CELSR1: variants seen among roughly 807,000 people sequenced by gnomAD.
CELSR1 encodes the protein adhesion G protein-coupled receptor C1.
In CELSR1, 110 loss-of-function variants were observed where a neutral mutation model predicts 249.1. The ratio of observed to expected loss-of-function variants is 0.44; its 90% CI spans 0.38 to 0.52. The LOEUF (loss-of-function observed/expected upper bound fraction) is 0.52, where lower values mean the gene tolerates loss of function less well. Among genes scored for constraint, CELSR1 ranks in the 20% least tolerant of loss-of-function variants. The probability of loss-of-function intolerance (pLI) is 0.00; values close to 1 mark genes in which losing one functional copy is unlikely to be tolerated. For synonymous variants in CELSR1, 2,113 were observed against 1,900.0 expected (o/e 1.11, Z -2.92); for missense variants, 4,109 against 4,296.4 (o/e 0.96, Z 1.22).
intron 1 of CELSR1, among the ~76,000 whole-genome samples, chr22:46,483,640 C>T (rs758063561): frequency 1.3e-5 from 2 of 152,104 alleles, no homozygotes; most frequent in Non-Finnish European, 2.9e-5. Flanking sequence ...AGTCTTTGCT[C>T]CCATTATCTG....
At chr22:46,491,673 C>A (rs904716746) in intron 1 of CELSR1, among the ~76,000 whole-genome samples, 2 of 145,124 alleles carry the variant, frequency 1.4e-5, no homozygotes, top group African/African-American at 5.0e-5. Flanking sequence ...GTTATTCTGT[C>A]ACCCAGGCTG....
At chr22:46,457,297 G>A (rs1349047941) in intron 2 of CELSR1, among the ~76,000 whole-genome samples, 1 of 151,842 alleles carries the variant, frequency 6.6e-6, no homozygotes, top group East Asian at 1.9e-4. Flanking sequence ...GTGAGCCAAG[G>A]TTGTGCCACT....
chr22:46,537,004 C>T lies in CELSR1; in HGVS notation c.167G>A (p.Cys56Tyr). Residue 56 changes from cysteine to tyrosine, a missense_variant, in exon 1 of 35, where the codon TGC becomes TAC. Transcript: ENST00000674500. The surrounding 1 kb of genome is among the most constrained non-coding windows in gnomAD (Gnocchi z 5.8). Reference sequence around the variant, plus strand: ...CAGCTCCCGCGGCGCCCGGGGCGTGCAAGCGGCGCCCACCGCGTAGGTACA... The same window carrying T: ...CAGCTCCCGCGGCGCCCGGGGCGTGTAAGCGGCGCCCACCGCGTAGGTACA... Reference protein sequence around the residue: ...PGCTYAVGAACTPRAPRELLD... With the variant: ...PGCTYAVGAAYTPRAPRELLD... The T allele has an allele frequency of 9.0e-7, 1 of 1,110,756 alleles. No homozygotes were observed. The highest frequency in any genetic ancestry group is 1.1e-6 in the Non-Finnish European group (1 of 912,106). 68.8% of individuals were successfully genotyped at this position (1,110,756 alleles called of 1,614,324 possible).
chr22:46,389,096 C>T (rs1260497559), intron 18 of CELSR1, among the ~76,000 whole-genome samples, 194 bp downstream of exon 18: 3 of 152,244 alleles, frequency 2.0e-5, no homozygotes, highest in East Asian at 1.9e-4. Context: ...CCTTCCAGAA[C>T]ACTCCCTAAC....
At chr22:46,389,226 C>T in intron 18 of CELSR1, 64 bp downstream of exon 18, 2 of 1,550,134 alleles carry the variant, frequency 1.3e-6, no homozygotes, top group Non-Finnish European at 1.8e-6. Flanking sequence ...CCCCACAGCA[C>T]CCACCCACGG....
Position 46,428,992 on chromosome 22 carries a change from G to A in CELSR1, c.4611+4401C>T, listed in dbSNP as rs544475106. Among the ~76,000 whole-genome samples the A allele has an allele frequency of 1.2e-4, 18 of 152,242 alleles. No homozygotes were observed. Among genetic ancestry groups the A allele is most frequent in the African/African-American group, 3.6e-4 (15 of 41,536 alleles). ...TCCCCAGGGCCCCGTTAAACATCTT[G>A]CTGGCACGTCTGTGTCCCCGACCCT... On this transcript the variant is annotated intron_variant, in intron 5 of 34. Transcript: ENST00000674500. This position sits in a 1 kb window ranked among gnomAD's most constrained non-coding sequence, Gnocchi z 5.7.
chr22:46,450,544 G>A (rs1442204462), intron 2 of CELSR1, among the ~76,000 whole-genome samples: 1 of 152,248 alleles, frequency 6.6e-6, no homozygotes, highest in Non-Finnish European at 1.5e-5. Flanking sequence ...GGTTCAGAGA[G>A]GGCAGTTACT....
Position 46,436,788 on chromosome 22 carries a change from A to AC in CELSR1, c.4407-500dup, listed in dbSNP as rs989014767. Among the ~76,000 whole-genome samples, 8 of 151,976 alleles carry AC rather than the reference A, an allele frequency of 5.3e-5. No individual in the cohort carries two copies. Among genetic ancestry groups the AC allele is most frequent in the Non-Finnish European group, 7.4e-5 (5 of 67,994 alleles). ...TGGCTCCCAAACACAGGTCAAAAAG[A>AC]CCCCAGGGCCTTTGCACCAGCTGCC... On this transcript the variant is annotated intron_variant, in intron 3 of 34. Transcript: ENST00000674500. This position sits in a 1 kb window ranked among gnomAD's most constrained non-coding sequence, Gnocchi z 5.9.
chr22:46,521,314 T>C (rs989836754), intron 1 of CELSR1, among the ~76,000 whole-genome samples: 3 of 151,932 alleles, frequency 2.0e-5, no homozygotes, highest in African/African-American at 7.3e-5. Context: ...CCATCCTGCC[T>C]AACACACAGT....
intron 25 of CELSR1, among the ~76,000 whole-genome samples, chr22:46,371,693 C>T (rs1173917357): frequency 6.6e-6 from 1 of 150,900 alleles, no homozygotes; most frequent in Non-Finnish European, 1.5e-5. Context: ...TTCATATCCA[C>T]TGACTTATCC....
intron 20 of CELSR1, among the ~76,000 whole-genome samples, chr22:46,384,275 A>G (rs1441884675): frequency 1.3e-5 from 2 of 152,146 alleles, no homozygotes; most frequent in Non-Finnish European, 1.5e-5. Context: ...TTACGCTCCA[A>G]TGAGCATTTC....
At position 46,396,471 on chromosome 22, in the gene CELSR1, A is replaced by T. The variant is rs77439378; in HGVS notation, c.5843+134T>A. On this transcript the variant is annotated intron_variant, in intron 13 of 34. Coordinates refer to ENST00000674500, the MANE Select transcript of CELSR1 (RefSeq NM_001378328.1). This position sits in a 1 kb window ranked among gnomAD's most constrained non-coding sequence, Gnocchi z 6.4. The stretch of plus-strand genomic sequence containing the variant: ...ATTTTCACTTAATTCATGCCAAATT[A>T]AAAAAAAATATGTCCCTGTTACCCA... 1.3e-6 allele frequency: 1 copy of T among 758,400 alleles called. No individual in the cohort carries two copies. The highest frequency in any genetic ancestry group is 1.8e-6 in the Non-Finnish European group (1 of 566,128). The allele number at this position is 758,400 out of a possible 1,614,324, so 47.0% of individuals were successfully genotyped here.
intron 1 of CELSR1, among the ~76,000 whole-genome samples, chr22:46,474,415 C>T (rs1278274879): frequency 6.6e-6 from 1 of 152,140 alleles, no homozygotes; most frequent in East Asian, 1.9e-4. Context: ...GTTGGTCCCA[C>T]CTAGTCTTAG....
At position 46,409,604 on chromosome 22, in the gene CELSR1, G is replaced by A. The variant is rs1399435867; in HGVS notation, c.5059+151C>T. 3 of 901,764 alleles carry A rather than the reference G, an allele frequency of 3.3e-6. No homozygotes were observed. Among genetic ancestry groups the A allele is most frequent in the South Asian group, 3.1e-5 (2 of 64,218 alleles). 55.9% of individuals were successfully genotyped at this position (901,764 alleles called of 1,614,324 possible). ...TCTGCGGAGGACAGTCTCTTGGAGA[G>A]GGCGGTGTGAGTCCACAGTAAATGC... is the stretch of plus-strand genomic sequence containing the variant. On this transcript the variant is annotated intron_variant, in intron 8 of 34. Transcript: ENST00000674500. The surrounding 1 kb of genome is among the most constrained non-coding windows in gnomAD (Gnocchi z 9.8).
chr22:46,533,432 C>T (rs1332085287), intron 1 of CELSR1, among the ~76,000 whole-genome samples, 195 bp downstream of exon 1: 7 of 152,258 alleles, frequency 4.6e-5, no homozygotes, highest in African/African-American at 1.4e-4. Flanking sequence ...GGAAGCGGCG[C>T]GGTGCCTCTC....
chr22:46,486,946 T>C (rs1051427093), intron 1 of CELSR1, among the ~76,000 whole-genome samples: 4 of 152,120 alleles, frequency 2.6e-5, no homozygotes, highest in Non-Finnish European at 5.9e-5. Context: ...TCCAACAGTT[T>C]CTGTTCTGGC....
rs974468769 is a variant in CELSR1, at chr22:46,523,406, G to A, written c.3544+10221C>T. Among the ~76,000 whole-genome samples, 8 of 151,978 alleles carry A rather than the reference G, an allele frequency of 5.3e-5. No individual in the cohort carries two copies. In the South Asian group the frequency reaches 6.2e-4, roughly 12 times the overall value. On this transcript the variant is annotated intron_variant, in intron 1 of 34. Coordinates refer to ENST00000674500, the MANE Select transcript of CELSR1 (RefSeq NM_001378328.1). The stretch of plus-strand genomic sequence containing the variant: ...TAGCTGGGTGTGGTAGCGGGCACCT[G>A]TAGTCCAGATACCCAAGGGGCAGAG...
rs541904607 is a variant in CELSR1 at position 46,381,495 on chromosome 22, G to C, written c.7088+351C>G. ...CTAGCTGAGCAGACCTAACCCCGGG[G>C]CCAGCAGCAGGCACTACCCATGACA... On this transcript the variant is annotated intron_variant, in intron 21 of 34. Transcript: ENST00000674500. The surrounding 1 kb of genome is among the most constrained non-coding windows in gnomAD (Gnocchi z 6.0). Among the ~76,000 whole-genome samples the C allele has an allele frequency of 2.0e-5, 3 of 152,200 alleles. No individual in the cohort carries two copies. The highest frequency in any genetic ancestry group is 2.0e-4 in the Admixed American group (3 of 15,282).
chr22:46,451,569 C>T (rs941231316), intron 2 of CELSR1, among the ~76,000 whole-genome samples: 4 of 152,268 alleles, frequency 2.6e-5, no homozygotes, highest in African/African-American at 7.2e-5. Context: ...AGCTCCAAGC[C>T]AAAGGCTCCA....
Sources: gnomAD v4.1 joint callset for allele counts (sites outside exome capture counted in the v4.1 genomes callset) on GRCh38, gnomAD v4.1.1 for gene constraint, Gnocchi (gnomAD v3.1) non-coding constraint, MANE v1.5 for transcripts, NCBI Gene and HGNC (gene_info 2026-07-23, HGNC 2026-07-21) for gene names.